Variants in PTGER3 observed in about 807,000 individuals in gnomAD.
The protein encoded by PTGER3 is prostaglandin E receptor 3.
PTGER3 carries 22 observed loss-of-function variants against 34.7 expected under a neutral mutation model. That is an observed-to-expected ratio of 0.63 (90% CI 0.45 to 0.91). PTGER3 has a LOEUF of 0.91. Ranked by LOEUF, PTGER3 falls within the 40% of genes least tolerant of loss-of-function variation. The pLI is 0.00. For synonymous variants in PTGER3, 241 were observed against 230.1 expected (o/e 1.05, Z -0.43); for missense variants, 468 against 519.4 (o/e 0.90, Z 0.96).
At position 70,880,810 on chromosome 1, in the gene PTGER3, TC is replaced by T. The variant is rs762655551; in HGVS notation, c.*24-27952del. On this transcript the variant is annotated intron_variant, in intron 4 of 4. Transcript: ENST00000370931. ...ATAGGGTTCCCTTTGTAGGTGACCTTCCCCTTCTCTCTAGCTGCCTTTAACA... is the reference window on the plus strand; with the variant it reads ...ATAGGGTTCCCTTTGTAGGTGACCTTCCCTTCTCTCTAGCTGCCTTTAACA... 9.2e-5 allele frequency among the ~76,000 whole-genome samples: 14 copies of T among 152,290 alleles called. No homozygotes were observed. In the East Asian group the frequency reaches 1.7e-3, roughly 19 times the overall value.
intron 2 of PTGER3, among the ~76,000 whole-genome samples, chr1:70,993,422 T>C (rs1485625020): frequency 6.6e-6 from 1 of 152,246 alleles, no homozygotes; most frequent in East Asian, 1.9e-4. Context: ...ACTCATTTTC[T>C]GAGAAATTCA....
intron 4 of PTGER3, among the ~76,000 whole-genome samples, chr1:70,934,175 A>T (rs1222586569): frequency 6.6e-6 from 1 of 152,160 alleles, no homozygotes; most frequent in African/African-American, 2.4e-5. Context: ...TAAACTCGTA[A>T]TTACCTGGAA....
At chr1:70,954,325 T>C (rs1281414390) in intron 2 of PTGER3, among the ~76,000 whole-genome samples, 1 of 152,150 alleles carries the variant, frequency 6.6e-6, no homozygotes, top group African/African-American at 2.4e-5. Context: ...GGACCAGTCT[T>C]TATAAAAGAC....
At chr1:70,900,249 A>G (rs2100331031) in intron 4 of PTGER3, among the ~76,000 whole-genome samples, 1 of 152,266 alleles carries the variant, frequency 6.6e-6, no homozygotes, top group African/African-American at 2.4e-5. Context: ...GGTGACTGCA[A>G]AGCCCCCAGC....
intron 4 of PTGER3, among the ~76,000 whole-genome samples, chr1:70,901,121 A>G (rs943967795): frequency 1.3e-5 from 2 of 152,128 alleles, no homozygotes; most frequent in African/African-American, 4.8e-5. Context: ...CAGAGATCTC[A>G]TTCTGAGTTT....
At chr1:71,005,497 T>C (rs966164851) in intron 2 of PTGER3, among the ~76,000 whole-genome samples, 3 of 152,200 alleles carry the variant, frequency 2.0e-5, no homozygotes, top group African/African-American at 7.2e-5. Context: ...ACCATGTGCT[T>C]ACTCTAATTG....
At chr1:70,969,813 C>T (rs879638917), downstream of PTGER3, among the ~76,000 whole-genome samples, 3 of 152,094 alleles carry the variant, frequency 2.0e-5, no homozygotes, top group Admixed American at 1.3e-4. Flanking sequence ...TTGAGATTCA[C>T]ATTAAATAGG....
chr1:70,963,647 C>G (rs1230647851), intron 2 of PTGER3, among the ~76,000 whole-genome samples: 1 of 152,154 alleles, frequency 6.6e-6, no homozygotes, highest in Non-Finnish European at 1.5e-5. Context: ...GGGTGCCAAG[C>G]CCCTGGCCTG....
intron 4 of PTGER3, among the ~76,000 whole-genome samples, chr1:70,864,234 G>C (rs985213372): frequency 2.0e-5 from 3 of 151,816 alleles, no homozygotes; most frequent in Admixed American, 2.0e-4. Flanking sequence ...GAAATTTTCT[G>C]ACCTCCCCAA....
chr1:70,890,751 T>A (rs1321164738), intron 4 of PTGER3, among the ~76,000 whole-genome samples: 1 of 152,226 alleles, frequency 6.6e-6, no homozygotes, highest in Non-Finnish European at 1.5e-5. Flanking sequence ...GTTTTTATCA[T>A]GTTTATATTA....
intron 4 of PTGER3, among the ~76,000 whole-genome samples, chr1:70,898,988 G>C (rs909626094): frequency 6.8e-6 from 1 of 148,016 alleles, no homozygotes; most frequent in African/African-American, 2.6e-5. Flanking sequence ...ATTGCCTGGT[G>C]TAATAATACT....
downstream of PTGER3, among the ~76,000 whole-genome samples, chr1:70,949,725 G>C (rs1044449902): frequency 3.9e-5 from 6 of 152,158 alleles, no homozygotes; most frequent in Non-Finnish European, 7.3e-5. Context: ...TGAAGGTCTA[G>C]ATATTCTAGG....
chr1:71,006,330 G>T, intron 2 of PTGER3: 1 of 985,402 alleles, frequency 1.0e-6, no homozygotes, highest in Non-Finnish European at 1.2e-6. Context: ...ACATTTGACA[G>T]AGCTTCTCCC....
chr1:70,890,894 A>G (rs528237361), intron 4 of PTGER3, among the ~76,000 whole-genome samples: 2 of 152,294 alleles, frequency 1.3e-5, no homozygotes, highest in South Asian at 4.2e-4. Context: ...ACCCAGTTAT[A>G]TATTTATAGG....
At chr1:70,966,973 A>T (rs138297094), downstream of PTGER3, among the ~76,000 whole-genome samples, 25 of 152,158 alleles carry the variant, frequency 1.6e-4, no homozygotes, top group African/African-American at 6.0e-4. Context: ...CAGTAATAGG[A>T]TTACTGGGTC....
intron 1 of PTGER3, among the ~76,000 whole-genome samples, chr1:71,042,186 C>T (rs991818344): frequency 6.6e-6 from 1 of 151,290 alleles, no homozygotes; most frequent in African/African-American, 2.4e-5. Context: ...CTCATCTTGT[C>T]ATTCAGGGAC....
intron 2 of PTGER3, among the ~76,000 whole-genome samples, chr1:70,999,516 G>A (rs772941481): frequency 1.3e-5 from 2 of 152,182 alleles, no homozygotes; most frequent in Non-Finnish European, 2.9e-5. Context: ...AAACTGCATT[G>A]TATTTTACCA....
Position 70,981,104 on chromosome 1 carries a change from G to A in PTGER3, c.1078-6716C>T, listed in dbSNP as rs531180936. Among the ~76,000 whole-genome samples, 5 of 152,142 alleles carry A rather than the reference G, an allele frequency of 3.3e-5. No homozygotes were observed. The East Asian group carries it at 9.7e-4, about 29-fold the overall frequency. The stretch of plus-strand genomic sequence containing the variant: ...CAACTGTTAATAGAAACAAAATTAT[G>A]ACAAGTAGAAAATAACTGGGTCCAA... On this transcript the variant is annotated intron_variant, in intron 2 of 3. Transcript: ENST00000306666.
intron 4 of PTGER3, among the ~76,000 whole-genome samples, chr1:70,863,369 T>C (rs987044570): frequency 1.3e-5 from 2 of 152,136 alleles, no homozygotes; most frequent in Admixed American, 6.6e-5. Flanking sequence ...AGCTTCCCCA[T>C]TGATCATGTG....
Sources: gnomAD v4.1 joint callset for allele counts (sites outside exome capture counted in the v4.1 genomes callset) on GRCh38, gnomAD v4.1.1 for gene constraint, MANE v1.5 for transcripts, NCBI Gene and HGNC (gene_info 2026-07-23, HGNC 2026-07-21) for gene names.